The following SHISA6 variants were observed in gnomAD, a reference collection of about 807,000 sequenced individuals.
The protein encoded by SHISA6 is protein shisa-6.
In SHISA6, 22 loss-of-function variants were observed where a neutral mutation model predicts 47.9. The observed-to-expected ratio is 0.46, with a 90% CI of 0.33 to 0.66. The LOEUF (loss-of-function observed/expected upper bound fraction) is 0.66. Ranked by LOEUF, SHISA6 falls within the 30% of genes least tolerant of loss-of-function variation. The probability of loss-of-function intolerance (pLI) is 0.02; values close to 1 mark genes in which losing one functional copy is unlikely to be tolerated. For missense variants in SHISA6, 680 were observed against 764.6 expected (o/e 0.89, Z 1.30); for synonymous variants, 388 against 337.8 (o/e 1.15, Z -1.63).
intron 3 of SHISA6, among the ~76,000 whole-genome samples, chr17:11,470,369 G>C (rs1423668037): frequency 6.6e-6 from 1 of 152,192 alleles, no homozygotes; most frequent in East Asian, 1.9e-4. Flanking sequence ...AGTAGAAGGA[G>C]GTCAGGAGCA....
intron 2 of SHISA6, among the ~76,000 whole-genome samples, chr17:11,264,569 C>T (rs1908354694): frequency 6.6e-6 from 1 of 152,130 alleles, no homozygotes; most frequent in South Asian, 2.1e-4. Flanking sequence ...GGTACTAATC[C>T]TAGTCCCAGA....
chr17:11,489,597 AG>A (rs1916426514), intron 3 of SHISA6, among the ~76,000 whole-genome samples: 2 of 152,188 alleles, frequency 1.3e-5, no homozygotes, highest in South Asian at 4.1e-4. Flanking sequence ...GGAGAGCTGA[AG>A]GGTAGGCAGA....
At chr17:11,290,025 T>C (rs1909463990) in intron 2 of SHISA6, 1 of 152,210 alleles carries the variant, frequency 6.6e-6, no homozygotes, top group Non-Finnish European at 1.5e-5. Flanking sequence ...TTGTTACTGG[T>C]GTGTTCTAAA....
chr17:11,245,498 G>C (rs1907541269), intron 1 of SHISA6, among the ~76,000 whole-genome samples: 1 of 152,192 alleles, frequency 6.6e-6, no homozygotes, highest in African/African-American at 2.4e-5. Flanking sequence ...GGTCCTTTTT[G>C]ACATTCATTT....
intron 2 of SHISA6, among the ~76,000 whole-genome samples, chr17:11,317,300 A>G (rs1012261118): frequency 1.3e-5 from 2 of 151,874 alleles, no homozygotes; most frequent in Non-Finnish European, 2.9e-5. Flanking sequence ...AAAAAAATTT[A>G]TGATTGCTAT....
chr17:11,249,687 C>G (rs1206136892), intron 1 of SHISA6, among the ~76,000 whole-genome samples: 2 of 152,158 alleles, frequency 1.3e-5, no homozygotes, highest in Non-Finnish European at 2.9e-5. Flanking sequence ...ACATTGAGAG[C>G]CCATGGCATG....
chr17:11,473,589 A>G (rs1915978466), intron 3 of SHISA6, among the ~76,000 whole-genome samples: 1 of 151,980 alleles, frequency 6.6e-6, no homozygotes, highest in African/African-American at 2.4e-5. Flanking sequence ...CCCACCTCCT[A>G]ATATTGTTAC....
rs995652775 is a variant in SHISA6, at chr17:11,561,240, C to A, written c.*2936C>A. 2 of 152,290 alleles carry A rather than the reference C, an allele frequency of 1.3e-5. No homozygotes were observed. The highest frequency in any genetic ancestry group is 4.8e-5 in the African/African-American group (2 of 41,452). The allele number at this position is 152,290 out of a possible 1,614,324, so 9.4% of individuals were successfully genotyped here. A position where few individuals can be genotyped will look rare whatever the true frequency, so the allele number is the denominator to read the frequency against. On this transcript the variant is annotated 3_prime_UTR_variant, in exon 6 of 6. Transcript: ENST00000441885. ...ACAGTAAAAGCCTCCCTCCTGCTCA[C>A]AAAGGAAGCCTAAAGCCCAAGATTT...
intron 1 of SHISA6, among the ~76,000 whole-genome samples, chr17:11,259,629 C>T (rs954781070): frequency 1.3e-4 from 20 of 152,214 alleles, no homozygotes; most frequent in African/African-American, 4.8e-5. Flanking sequence ...TAAGCACTTA[C>T]GGAAATTCAG....
At chr17:11,353,349 C>T (rs1034037265) in intron 2 of SHISA6, among the ~76,000 whole-genome samples, 2 of 151,456 alleles carry the variant, frequency 1.3e-5, no homozygotes, top group Non-Finnish European at 2.9e-5. Flanking sequence ...CCCAGCTACT[C>T]GGGAGGCTGA....
intron 2 of SHISA6, among the ~76,000 whole-genome samples, chr17:11,268,166 A>G (rs1340652863): frequency 1.3e-5 from 2 of 152,204 alleles, no homozygotes; most frequent in Non-Finnish European, 2.9e-5. Flanking sequence ...ATCTGGAGAC[A>G]ATAAATATTC....
chr17:11,322,054 C>T (rs1268397475), intron 2 of SHISA6, among the ~76,000 whole-genome samples: 1 of 152,008 alleles, frequency 6.6e-6, no homozygotes, highest in Non-Finnish European at 1.5e-5. Context: ...TGTGGTTGCT[C>T]TAGGGATTAT....
intron 3 of SHISA6, among the ~76,000 whole-genome samples, chr17:11,413,628 A>G (rs187045258): frequency 4.3e-4 from 65 of 152,240 alleles, no homozygotes; most frequent in African/African-American, 1.3e-3. Context: ...AGACTGGATC[A>G]GCCTCTGTGA....
rs146535930 is a variant in SHISA6 at position 11,502,138 on chromosome 17, G to A, written c.896-49758G>A. Among the ~76,000 whole-genome samples the A allele has an allele frequency of 3.2e-3, 484 of 152,042 alleles. 4 individuals are homozygous for A. Among genetic ancestry groups the A allele is most frequent in the African/African-American group, 0.011 (476 of 41,478 alleles). The stretch of plus-strand genomic sequence containing the variant: ...TTAAGACTAAAAACAGGCCGGGCGC[G>A]GTGGCTCACGCCTGTAATCCCAGCA... On this transcript the variant is annotated intron_variant, in intron 3 of 5. Coordinates refer to ENST00000441885, the MANE Select transcript of SHISA6 (RefSeq NM_207386.4).
At chr17:11,548,457 A>G (rs2071901599) in intron 3 of SHISA6, among the ~76,000 whole-genome samples, 1 of 151,498 alleles carries the variant, frequency 6.6e-6, no homozygotes, top group Non-Finnish European at 1.5e-5. Context: ...ATATATATAT[A>G]TACATATATC....
chr17:11,485,898 T>C (rs1284742229), intron 3 of SHISA6, among the ~76,000 whole-genome samples: 1 of 152,184 alleles, frequency 6.6e-6, no homozygotes, highest in Non-Finnish European at 1.5e-5. Flanking sequence ...ATCCCAGCGC[T>C]GTTGATTTCT....
At chr17:11,453,305 C>T (rs1442807053) in intron 3 of SHISA6, among the ~76,000 whole-genome samples, 2 of 152,152 alleles carry the variant, frequency 1.3e-5, no homozygotes, top group Non-Finnish European at 2.9e-5. Flanking sequence ...AGCCTGAGGT[C>T]CAGGCAGCAG....
intron 3 of SHISA6, among the ~76,000 whole-genome samples, chr17:11,412,613 C>T (rs1298574192): frequency 6.6e-6 from 1 of 151,760 alleles, no homozygotes; most frequent in African/African-American, 2.4e-5. Flanking sequence ...GCGATCTTGG[C>T]TCACTGCAAG....
intron 3 of SHISA6, among the ~76,000 whole-genome samples, chr17:11,461,396 CAAAAA>C (rs778616587): frequency 0.3 from 22,486 of 75,900 alleles, 1,761 homozygotes; most frequent in East Asian, 0.41. Flanking sequence ...GACTCCATCT[CAAAAA>C]AAAAAAAAAA....
Sources: gnomAD v4.1 joint callset for allele counts (sites outside exome capture counted in the v4.1 genomes callset) on GRCh38, gnomAD v4.1.1 for gene constraint, MANE v1.5 for transcripts, NCBI Gene and HGNC (gene_info 2026-07-23, HGNC 2026-07-21) for gene names.